The following FBXL17 variants were observed in gnomAD, a reference collection of about 807,000 sequenced individuals.
FBXL17 encodes F-box/LRR-repeat protein 17.
A neutral mutation model predicts 66.2 loss-of-function variants in FBXL17; 22 were observed. The ratio of observed to expected loss-of-function variants is 0.33; its 90% CI spans 0.24 to 0.47. The LOEUF (loss-of-function observed/expected upper bound fraction) is 0.47, where lower values mean the gene tolerates loss of function less well. FBXL17 is among the 20% of genes least tolerant of loss of function. The pLI is 1.00. For missense variants in FBXL17, 878 were observed against 948.2 expected (o/e 0.93, Z 0.97); for synonymous variants, 474 against 400.5 (o/e 1.18, Z -2.19).
intron 4 of FBXL17, among the ~76,000 whole-genome samples, chr5:108,249,962 T>C (rs978326972): frequency 6.6e-6 from 1 of 152,104 alleles, no homozygotes; most frequent in African/African-American, 2.4e-5. Context: ...CTCTCCTACA[T>C]CCAGGCAACA....
chr5:108,336,036 C>A (rs960271895), intron 4 of FBXL17, among the ~76,000 whole-genome samples: 1 of 152,010 alleles, frequency 6.6e-6, no homozygotes, highest in Admixed American at 6.6e-5. Flanking sequence ...AATGAAAAAA[C>A]AAACTGCATT....
intron 7 of FBXL17, among the ~76,000 whole-genome samples, chr5:107,951,947 T>C (rs1751512355): frequency 6.6e-6 from 1 of 152,202 alleles, no homozygotes; most frequent in Non-Finnish European, 1.5e-5. Context: ...TTTTCAAAGC[T>C]TTTTCTCACA....
chr5:108,249,634 T>C (rs959572475), intron 4 of FBXL17, among the ~76,000 whole-genome samples: 1 of 151,574 alleles, frequency 6.6e-6, no homozygotes, highest in Non-Finnish European at 1.5e-5. Flanking sequence ...GAAAAAGGAG[T>C]TTTGCACCCC....
intron 1 of FBXL17, 130 bp from the exon 2 acceptor site, chr5:108,368,083 T>G: frequency 1.3e-6 from 1 of 789,904 alleles, no homozygotes; most frequent in Non-Finnish European, 2.0e-6. Context: ...GCCATTATTG[T>G]AAGTCACCGT....
intron 6 of FBXL17, among the ~76,000 whole-genome samples, chr5:108,180,425 G>A (rs534019464): frequency 1.6e-4 from 25 of 152,052 alleles, no homozygotes; most frequent in African/African-American, 6.0e-4. Flanking sequence ...AGAATCACTT[G>A]AGCCCGGGAA....
chr5:108,059,715 C>T (rs1426706570), intron 6 of FBXL17, among the ~76,000 whole-genome samples: 2 of 152,118 alleles, frequency 1.3e-5, no homozygotes, highest in East Asian at 1.9e-4. Context: ...AGGCAGGTGT[C>T]TGATATTCCA....
Position 108,364,768 on chromosome 5 carries a change from C to T in FBXL17, c.1344G>A (p.Gln448=). The change falls in exon 3 of 9, where the codon CAG becomes CAA. Residue 448 remains glutamine, a synonymous_variant. Coordinates refer to ENST00000542267, the MANE Select transcript of FBXL17 (RefSeq NM_001163315.3). ...PLLQKVHVGN[Q]DKLTDEGLKQ... The stretch of plus-strand genomic sequence containing the variant: ...TGAGTCCTTCATCAGTGAGTTTGTC[C>T]TGGTTGCCTACATGCACTTTCTGAA... 1 of 1,612,450 alleles carries T rather than the reference C, an allele frequency of 6.2e-7. No homozygotes were observed. Among genetic ancestry groups the T allele is most frequent in the Non-Finnish European group, 8.5e-7 (1 of 1,178,934 alleles).
intron 8 of FBXL17, chr5:107,879,322 T>G (rs1438379019): frequency 5.1e-6 from 5 of 985,364 alleles, no homozygotes; most frequent in Non-Finnish European, 6.0e-6. Flanking sequence ...CTGCTGTCAT[T>G]GATTCCTGTT....
intron 6 of FBXL17, among the ~76,000 whole-genome samples, chr5:108,046,820 T>C (rs765630764): frequency 6.6e-6 from 1 of 152,240 alleles, no homozygotes; most frequent in Non-Finnish European, 1.5e-5. Flanking sequence ...AAATACAATT[T>C]AGAAAACTCA....
At chr5:108,100,376 T>C (rs1022645621) in intron 6 of FBXL17, among the ~76,000 whole-genome samples, 1 of 152,194 alleles carries the variant, frequency 6.6e-6, no homozygotes, top group South Asian at 2.1e-4. Context: ...ATCACCCAGG[T>C]CAACAATGAA....
intron 4 of FBXL17, among the ~76,000 whole-genome samples, chr5:108,262,054 TTTTA>T (rs1216863257): frequency 2.0e-4 from 22 of 111,992 alleles, no homozygotes; most frequent in Non-Finnish European, 2.6e-4. Flanking sequence ...GTGATACATA[TTTTA>T]TTTATTTATT....
chr5:108,319,970 A>G (rs1759542323), intron 4 of FBXL17, among the ~76,000 whole-genome samples: 2 of 151,758 alleles, frequency 1.3e-5, no homozygotes, highest in South Asian at 4.1e-4. Flanking sequence ...CTTACACATC[A>G]TGAAAAATTA....
intron 6 of FBXL17, among the ~76,000 whole-genome samples, chr5:108,182,504 A>T (rs759715966): frequency 3.3e-5 from 5 of 151,022 alleles, no homozygotes; most frequent in African/African-American, 7.4e-5. Context: ...GGATAAGTGC[A>T]AGTAGTGTAA....
At chr5:108,018,576 G>A (rs959544713) in intron 7 of FBXL17, among the ~76,000 whole-genome samples, 1 of 151,956 alleles carries the variant, frequency 6.6e-6, no homozygotes, top group African/African-American at 2.4e-5. Context: ...TTCCTCAATT[G>A]TGCGCCAACA....
chr5:107,880,982 A>G lies in FBXL17; in HGVS notation c.1965+55T>C, dbSNP rs781729079. On this transcript the variant is annotated intron_variant, in intron 8 of 8. Transcript: ENST00000542267. ...GAGAAGGAGAGAGGATATGACATCA[A>G]GCTATTAACTATACTGATATGTAGA... The G allele has an allele frequency of 2.3e-5, 37 of 1,613,642 alleles. No individual in the cohort carries two copies. In the South Asian group the frequency reaches 3.2e-4, roughly 14 times the overall value.
At chr5:108,368,201 T>C (rs191411430) in intron 1 of FBXL17, among the ~76,000 whole-genome samples, 1 of 152,066 alleles carries the variant, frequency 6.6e-6, no homozygotes, top group East Asian at 1.9e-4. Flanking sequence ...CTGACACGTG[T>C]TCATGCATAT....
At chr5:107,978,087 C>T (rs549314955) in intron 7 of FBXL17, among the ~76,000 whole-genome samples, 2 of 151,700 alleles carry the variant, frequency 1.3e-5, no homozygotes, top group African/African-American at 2.4e-5. Context: ...GCAGTGGGAC[C>T]CAGGAATTTG....
chr5:107,999,723 C>G (rs1753640966), intron 7 of FBXL17, among the ~76,000 whole-genome samples: 1 of 152,138 alleles, frequency 6.6e-6, no homozygotes, highest in African/African-American at 2.4e-5. Context: ...GCAGGTCTAT[C>G]TTTATCTTTA....
At chr5:108,111,279 T>C (rs1750022999) in intron 6 of FBXL17, among the ~76,000 whole-genome samples, 1 of 151,784 alleles carries the variant, frequency 6.6e-6, no homozygotes. Context: ...CAGTTACAAA[T>C]AAAGGTTTGA....
Sources: allele counts gnomAD v4.1 joint callset (sites outside exome capture counted in the v4.1 genomes callset), GRCh38; gene constraint gnomAD v4.1.1; transcripts MANE v1.5; gene names NCBI Gene and HGNC (gene_info 2026-07-23, HGNC 2026-07-21).